Variants in CACNA2D2 observed in about 807,000 individuals in gnomAD.
CACNA2D2 encodes voltage-dependent calcium channel subunit alpha-2/delta-2.
In CACNA2D2, 48 loss-of-function variants were observed where a neutral mutation model predicts 166.4. The ratio of observed to expected loss-of-function variants is 0.29; its 90% CI spans 0.23 to 0.37. The LOEUF is 0.37. CACNA2D2 is among the 10% of genes least tolerant of loss of function. The pLI is 1.00. For missense variants in CACNA2D2, 1,122 were observed against 1,433.0 expected, an observed-to-expected ratio of 0.78 and a Z score of 3.50; for synonymous variants, 561 against 573.7, an observed-to-expected ratio of 0.98 and a Z score of 0.32.
intron 3 of CACNA2D2, among the ~76,000 whole-genome samples, chr3:50,410,306 G>T (rs1706936533): frequency 6.6e-6 from 1 of 152,248 alleles, no homozygotes; most frequent in African/African-American, 2.4e-5. Flanking sequence ...AAGGCTGACA[G>T]AAGTTCTGTT....
chr3:50,365,626 T>C lies in CACNA2D2; in HGVS notation c.2971+7A>G, dbSNP rs769360997. The C allele has an allele frequency of 2.5e-6, 4 of 1,575,446 alleles. No individual in the cohort carries two copies. In the South Asian group the frequency reaches 3.5e-5, roughly 14 times the overall value. Reference sequence around the variant, plus strand: ...ACTTGAGGAGGCGCCTCCAAAGCCCTACCTACCTGCTTGGAACCAGCTGTG... The same window carrying C: ...ACTTGAGGAGGCGCCTCCAAAGCCCCACCTACCTGCTTGGAACCAGCTGTG... On this transcript the variant is annotated splice_region_variant and intron_variant, in intron 34 of 37. Coordinates refer to ENST00000424201, the MANE Select transcript of CACNA2D2 (RefSeq NM_006030.4). The surrounding 1 kb of genome is among the most constrained non-coding windows in gnomAD (Gnocchi z 4.5).
intron 2 of CACNA2D2, among the ~76,000 whole-genome samples, chr3:50,455,643 GC>G (rs1709325016): frequency 6.6e-6 from 1 of 152,074 alleles, no homozygotes; most frequent in African/African-American, 2.4e-5. Flanking sequence ...GGAGGCCAGC[GC>G]AACAAGGACC....
intron 22 of CACNA2D2, among the ~76,000 whole-genome samples, chr3:50,374,436 A>G (rs1704861864): frequency 6.6e-6 from 1 of 150,946 alleles, no homozygotes; most frequent in Non-Finnish European, 1.5e-5. Flanking sequence ...CCAAGAATGC[A>G]GCCCCCAGGA....
chr3:50,488,584 C>CA (rs1462719225), intron 1 of CACNA2D2, among the ~76,000 whole-genome samples: 4 of 150,670 alleles, frequency 2.7e-5, no homozygotes, highest in Non-Finnish European at 5.9e-5. Context: ...CCCCACCCCC[C>CA]ACACCTCTTC....
chr3:50,408,362 G>A (rs1706824123), intron 3 of CACNA2D2, among the ~76,000 whole-genome samples: 1 of 152,236 alleles, frequency 6.6e-6, no homozygotes, highest in Non-Finnish European at 1.5e-5. Context: ...GTGGACGCCT[G>A]AGGCTCCACC....
At chr3:50,439,249 G>A (rs990472360) in intron 2 of CACNA2D2, among the ~76,000 whole-genome samples, 23 of 152,190 alleles carry the variant, frequency 1.5e-4, no homozygotes, top group African/African-American at 4.8e-4. Flanking sequence ...AAGGTGGGAG[G>A]GCCATGCTGG....
At chr3:50,457,714 A>C (rs1035071603) in intron 2 of CACNA2D2, among the ~76,000 whole-genome samples, 5 of 152,212 alleles carry the variant, frequency 3.3e-5, no homozygotes, top group Admixed American at 1.3e-4. Context: ...AATGATGCTG[A>C]GCGCAGAGAC....
intron 2 of CACNA2D2, among the ~76,000 whole-genome samples, chr3:50,474,182 G>A (rs1033926574): frequency 2.6e-5 from 4 of 152,224 alleles, no homozygotes; most frequent in Non-Finnish European, 5.9e-5. Context: ...GTGACTGCTG[G>A]GAGGGAGAGG....
chr3:50,392,936 T>G (rs931503767), intron 4 of CACNA2D2, among the ~76,000 whole-genome samples: 1 of 152,114 alleles, frequency 6.6e-6, no homozygotes, highest in Non-Finnish European at 1.5e-5. Flanking sequence ...TCCAATCTCA[T>G]GTGAACTCCC....
At chr3:50,500,405 C>T (rs533892363) in intron 1 of CACNA2D2, among the ~76,000 whole-genome samples, 1 of 152,106 alleles carries the variant, frequency 6.6e-6, no homozygotes, top group Admixed American at 6.5e-5. Flanking sequence ...CCTGGGGGCA[C>T]TGGAGAACAG....
intron 2 of CACNA2D2, among the ~76,000 whole-genome samples, chr3:50,435,966 C>T (rs1054674655): frequency 1.3e-5 from 2 of 152,188 alleles, no homozygotes; most frequent in East Asian, 1.9e-4. Flanking sequence ...TCAGGACAGA[C>T]GTTCACAGAG....
intron 3 of CACNA2D2, among the ~76,000 whole-genome samples, chr3:50,430,121 G>A (rs1042945774): frequency 3.3e-5 from 5 of 152,186 alleles, no homozygotes; most frequent in Admixed American, 6.5e-5. Flanking sequence ...TTTGAGGAAG[G>A]AGGCAAAAGG....
intron 1 of CACNA2D2, among the ~76,000 whole-genome samples, chr3:50,479,699 C>A (rs1197922144): frequency 2.0e-5 from 3 of 148,692 alleles, no homozygotes; most frequent in Admixed American, 1.3e-4. Flanking sequence ...CTTGGAAAGA[C>A]AACGGATGCA....
chr3:50,476,030 CA>C, intron 2 of CACNA2D2, 87 bp downstream of exon 2: 2 of 1,236,978 alleles, frequency 1.6e-6, no homozygotes. Context: ...TCCATTAAAC[CA>C]AATCTTCCTC....
chr3:50,477,308 G>A (rs544284210), intron 1 of CACNA2D2, among the ~76,000 whole-genome samples: 15 of 152,086 alleles, frequency 9.9e-5, no homozygotes, highest in Non-Finnish European at 1.8e-4. Flanking sequence ...CACCTTTCAG[G>A]GTGTTATAAG....
chr3:50,446,439 C>T (rs1708851133), intron 2 of CACNA2D2, among the ~76,000 whole-genome samples: 3 of 152,196 alleles, frequency 2.0e-5, no homozygotes, highest in African/African-American at 2.4e-5. Context: ...GAACACAGAC[C>T]CTGTTTCGGA....
At chr3:50,374,905 G>T in intron 21 of CACNA2D2, 92 bp from the exon 22 acceptor site, 4 of 1,017,498 alleles carry the variant, frequency 3.9e-6, no homozygotes, top group Non-Finnish European at 6.0e-6. Context: ...AGAGGCCCCA[G>T]CTGCAGCATC....
rs1324633313 is a variant in CACNA2D2 at position 50,379,518 on chromosome 3, A to G, written c.1066T>C (p.Phe356Leu). The change falls in exon 11 of 38, where the codon TTC (phenylalanine) becomes CTC (leucine). Residue 356 changes from phenylalanine to leucine, a missense_variant. Transcript: ENST00000424201. The surrounding 1 kb of genome is among the most constrained non-coding windows in gnomAD (Gnocchi z 6.5). ...VQANVRNKKV[F>L]KEAVQGMVAK... ...ACCATGCCCTGCACAGCTTCCTTGAACACCTTCTTGTTGCGCACATTGGCC... is the reference window on the plus strand; with the variant it reads ...ACCATGCCCTGCACAGCTTCCTTGAGCACCTTCTTGTTGCGCACATTGGCC... 10 of 1,613,932 alleles carry G rather than the reference A, an allele frequency of 6.2e-6. No homozygotes were observed. The highest frequency in any genetic ancestry group is 5.1e-6 in the Non-Finnish European group (6 of 1,180,020).
chr3:50,429,592 CAAAAAAAAAAAAAAAAA>C (rs1160685582), intron 3 of CACNA2D2, among the ~76,000 whole-genome samples: 3 of 52,646 alleles, frequency 5.7e-5, no homozygotes, highest in African/African-American at 1.8e-4. Flanking sequence ...ACTAAAAATA[CAAAAAAAAAAAAAAAAA>C]AAAAAAAAAA....
Sources: gnomAD v4.1 joint callset for allele counts (sites outside exome capture counted in the v4.1 genomes callset) on GRCh38, gnomAD v4.1.1 for gene constraint, Gnocchi (gnomAD v3.1) non-coding constraint, MANE v1.5 for transcripts, NCBI Gene and HGNC (gene_info 2026-07-23, HGNC 2026-07-21) for gene names.